The following CLMP variants were observed in gnomAD, a reference collection of about 807,000 sequenced individuals.
CLMP encodes CXADR like cell adhesion molecule.
In CLMP, 27 loss-of-function variants were observed where a neutral mutation model predicts 45.2. That is an observed-to-expected ratio of 0.60 (90% CI 0.44 to 0.82). The LOEUF (loss-of-function observed/expected upper bound fraction) is 0.82, where lower values mean the gene tolerates loss of function less well. Among genes scored for constraint, CLMP ranks in the 40% least tolerant of loss-of-function variants. The pLI is 0.00. For synonymous variants in CLMP, 167 were observed against 171.4 expected, an observed-to-expected ratio of 0.97 and a Z score of 0.20; for missense variants, 403 against 448.4, an observed-to-expected ratio of 0.90 and a Z score of 0.91.
intron 5 of CLMP, among the ~76,000 whole-genome samples, chr11:123,081,184 C>T (rs926689784): frequency 6.8e-6 from 1 of 146,656 alleles, no homozygotes; most frequent in Admixed American, 6.9e-5. Context: ...AAACCAACAA[C>T]AAAAAAAAAC....
intron 1 of CLMP, among the ~76,000 whole-genome samples, chr11:123,179,490 C>T (rs1261179090): frequency 1.3e-5 from 2 of 152,124 alleles, no homozygotes; most frequent in Admixed American, 6.5e-5. Context: ...TAATGGCAAA[C>T]CCTAGAGCCG....
intron 1 of CLMP, among the ~76,000 whole-genome samples, chr11:123,191,881 G>T (rs920338124): frequency 6.6e-6 from 1 of 152,180 alleles, no homozygotes; most frequent in Non-Finnish European, 1.5e-5. Flanking sequence ...TTCTAATGGG[G>T]TGTTAGATAA....
intron 1 of CLMP, among the ~76,000 whole-genome samples, chr11:123,157,842 G>T (rs1435973987): frequency 6.6e-6 from 1 of 151,942 alleles, no homozygotes; most frequent in Non-Finnish European, 1.5e-5. Context: ...GATGTTAAGT[G>T]CAAGTGGTTC....
chr11:123,168,081 A>C (rs1169118357), intron 1 of CLMP, among the ~76,000 whole-genome samples: 1 of 152,190 alleles, frequency 6.6e-6, no homozygotes, highest in Non-Finnish European at 1.5e-5. Flanking sequence ...AGGAATTGGG[A>C]CCGGGGAAAT....
intron 1 of CLMP, among the ~76,000 whole-genome samples, chr11:123,109,798 C>T (rs11218988): frequency 2.0e-5 from 3 of 151,982 alleles, no homozygotes; most frequent in South Asian, 2.1e-4. Context: ...TTCCAAACAC[C>T]GAGTAACATC....
intron 1 of CLMP, among the ~76,000 whole-genome samples, chr11:123,165,940 T>TC (rs1247872572): frequency 1.3e-5 from 2 of 152,194 alleles, no homozygotes; most frequent in Admixed American, 1.3e-4. Context: ...TCTTTCATTT[T>TC]CCCAAGTTCT....
chr11:123,141,078 G>A (rs1861149162), intron 1 of CLMP, among the ~76,000 whole-genome samples: 1 of 150,144 alleles, frequency 6.7e-6, no homozygotes, highest in African/African-American at 2.4e-5. Flanking sequence ...GCCTTCATTA[G>A]AAGCAGATGC....
In CLMP at chr11:123,194,876, C is replaced by A. The variant is rs115214371; in HGVS notation, c.28+37G>T. The A allele has an allele frequency of 3.7e-3, 5,956 of 1,612,410 alleles. 100 individuals carry two copies. In the African/African-American group the frequency reaches 0.048, roughly 13 times the overall value. ...CCGGACGCAGGGCTGCGTTTGCCCA[C>A]GGCCATCCAAACTCCCGCCCTCCCA... On this transcript the variant is annotated intron_variant, in intron 1 of 6. Transcript: ENST00000448775.
chr11:123,110,453 G>GAAA (rs386375126), intron 1 of CLMP, among the ~76,000 whole-genome samples: 6 of 133,122 alleles, frequency 4.5e-5, no homozygotes, highest in African/African-American at 8.3e-5. Flanking sequence ...GACTCCGTCA[G>GAAA]AAAAAAAAAA....
intron 1 of CLMP, among the ~76,000 whole-genome samples, chr11:123,150,216 AC>A (rs1861294452): frequency 1.3e-5 from 2 of 150,588 alleles, no homozygotes; most frequent in African/African-American, 4.9e-5. Context: ...ACACACACAC[AC>A]ACACACACAC....
At position 123,149,904 on chromosome 11, in the gene CLMP, G is replaced by A. The variant is rs147105903; in HGVS notation, c.28+45009C>T. Among the ~76,000 whole-genome samples, 66 of 151,352 alleles carry A rather than the reference G, an allele frequency of 4.4e-4. No individual in the cohort carries two copies. The East Asian group carries it at 8.0e-3, about 18-fold the overall frequency. ...TCACCTCACTGCAACCTCCGCTCCCGGGTTTAAATGATTCTCCTGGCTCCT... is the reference window on the plus strand; with the variant it reads ...TCACCTCACTGCAACCTCCGCTCCCAGGTTTAAATGATTCTCCTGGCTCCT... On this transcript the variant is annotated intron_variant, in intron 1 of 6. Transcript: ENST00000448775.
intron 1 of CLMP, among the ~76,000 whole-genome samples, chr11:123,103,951 T>A (rs1392619133): frequency 6.6e-6 from 1 of 151,000 alleles, no homozygotes; most frequent in Non-Finnish European, 1.5e-5. Flanking sequence ...TGCCTCAGCC[T>A]CCTGAGTAGC....
At chr11:123,097,684 G>T in intron 2 of CLMP, 111 bp downstream of exon 2, 1 of 831,770 alleles carries the variant, frequency 1.2e-6, no homozygotes, top group Non-Finnish European at 1.9e-6. Flanking sequence ...GAAGCCAGAT[G>T]AAAAAGGAAC....
At chr11:123,144,778 A>T (rs1015274989) in intron 1 of CLMP, among the ~76,000 whole-genome samples, 3 of 152,210 alleles carry the variant, frequency 2.0e-5, no homozygotes, top group African/African-American at 7.2e-5. Context: ...AAGTGCAGGG[A>T]TATCTTCTAT....
At chr11:123,125,532 C>T (rs1316317385) in intron 1 of CLMP, among the ~76,000 whole-genome samples, 2 of 103,244 alleles carry the variant, frequency 1.9e-5, no homozygotes, top group African/African-American at 7.3e-5. Context: ...CCTTCCCTTC[C>T]CTCCCCTTCC....
In CLMP at chr11:123,195,098, C is replaced by G. The variant is rs1006745034; in HGVS notation, c.-158G>C. On this transcript the variant is annotated 5_prime_UTR_variant, in exon 1 of 7. Coordinates refer to ENST00000448775, the MANE Select transcript of CLMP (RefSeq NM_024769.5). The stretch of plus-strand genomic sequence containing the variant: ...CCGGGCGGGAGCCGGCCCCGCGCCC[C>G]GTGCCCCTGGGGGCAGATGGGCTCC... 1.1e-4 allele frequency: 56 copies of G among 493,866 alleles called. No homozygotes were observed. Among genetic ancestry groups the G allele is most frequent in the African/African-American group, 9.6e-4 (48 of 50,002 alleles). The allele number at this position is 493,866 out of a possible 1,614,324, so 30.6% of individuals were successfully genotyped here. A position where few individuals can be genotyped will look rare whatever the true frequency, so the allele number is the denominator to read the frequency against.
At chr11:123,154,995 G>A (rs971223915) in intron 1 of CLMP, among the ~76,000 whole-genome samples, 7 of 152,074 alleles carry the variant, frequency 4.6e-5, no homozygotes, top group Admixed American at 3.3e-4. Context: ...TACAGAAATC[G>A]CTTTGTTTTT....
intron 1 of CLMP, among the ~76,000 whole-genome samples, chr11:123,172,999 C>G (rs1861656711): frequency 6.6e-6 from 1 of 152,184 alleles, no homozygotes; most frequent in South Asian, 2.1e-4. Flanking sequence ...TCCTTGTCAC[C>G]ATTTTGCATG....
intron 1 of CLMP, among the ~76,000 whole-genome samples, chr11:123,182,978 A>C (rs1218319610): frequency 6.6e-6 from 1 of 152,238 alleles, no homozygotes; most frequent in Admixed American, 6.5e-5. Context: ...CATAACATAT[A>C]AAATGCAAGC....
Sources: allele counts gnomAD v4.1 joint callset (sites outside exome capture counted in the v4.1 genomes callset), GRCh38; gene constraint gnomAD v4.1.1; transcripts MANE v1.5; gene names NCBI Gene and HGNC (gene_info 2026-07-23, HGNC 2026-07-21).